The following SRRM3 variants were observed in gnomAD, a reference collection of about 807,000 sequenced individuals.
The protein encoded by SRRM3 is serine/arginine repetitive matrix protein 3.
A neutral mutation model predicts 66.2 loss-of-function variants in SRRM3; 27 were observed. The observed-to-expected ratio is 0.41, with a 90% CI of 0.30 to 0.56. SRRM3 has a LOEUF of 0.56. Among genes scored for constraint, SRRM3 ranks in the 20% least tolerant of loss-of-function variants. SRRM3 has a pLI of 0.32. For missense variants in SRRM3, 918 were observed against 991.9 expected (o/e 0.93, Z 1.00); for synonymous variants, 391 against 414.9 (o/e 0.94, Z 0.70).
intron 1 of SRRM3, among the ~76,000 whole-genome samples, chr7:76,213,049 G>C (rs1800474682): frequency 8.6e-6 from 1 of 116,332 alleles, no homozygotes; most frequent in Admixed American, 1.2e-4. Flanking sequence ...TCACTCTGTC[G>C]CCCAGGCTGG....
intron 1 of SRRM3, among the ~76,000 whole-genome samples, chr7:76,217,953 C>T (rs1445985990): frequency 6.6e-6 from 1 of 152,170 alleles, no homozygotes; most frequent in Admixed American, 6.5e-5. Flanking sequence ...AGGGAGCTTA[C>T]AAAATGGTGC....
intron 1 of SRRM3, among the ~76,000 whole-genome samples, chr7:76,226,009 C>A (rs1800856446): frequency 6.6e-6 from 1 of 152,132 alleles, no homozygotes; most frequent in African/African-American, 2.4e-5. Flanking sequence ...CTGTGGTCCA[C>A]TTCTCACTAC....
chr7:76,212,462 T>G (rs537282650), intron 1 of SRRM3, among the ~76,000 whole-genome samples: 1 of 137,778 alleles, frequency 7.3e-6, no homozygotes, highest in African/African-American at 2.8e-5. Flanking sequence ...CAGCAAGGTC[T>G]GCTTTTTTTT....
rs560410149 is a variant in SRRM3 at position 76,244,394 on chromosome 7, G to A, written c.234-3794G>A. Among the ~76,000 whole-genome samples, 15 of 152,088 alleles carry A rather than the reference G, an allele frequency of 9.9e-5. 1 individual carries two copies. The South Asian group carries it at 1.5e-3, about 15-fold the overall frequency. Reference sequence around the variant, plus strand: ...ACAAAAATTAGCTGGGCATGGTGGCGGATGCCTGTAGTCCCAGCTACCCGG... The same window carrying A: ...ACAAAAATTAGCTGGGCATGGTGGCAGATGCCTGTAGTCCCAGCTACCCGG... On this transcript the variant is annotated intron_variant, in intron 2 of 14. Coordinates refer to ENST00000611745, the MANE Select transcript of SRRM3 (RefSeq NM_001110199.3).
intron 11 of SRRM3, among the ~76,000 whole-genome samples, chr7:76,276,102 A>ATC (rs1491065314): frequency 1.4e-5 from 2 of 148,062 alleles, no homozygotes; most frequent in Non-Finnish European, 3.0e-5. Flanking sequence ...ATATATATAT[A>ATC]TTACACAAGC....
chr7:76,285,591 T>C lies in SRRM3; in HGVS notation c.1734-24T>C, dbSNP rs1450945655. The C allele has an allele frequency of 2.6e-6, 4 of 1,540,180 alleles. No homozygotes were observed. In the South Asian group the frequency reaches 3.6e-5, roughly 14 times the overall value. ...GGGGCTCGGGGCCTGGGATGGCCTG[T>C]AATCAGCTTTTTCTTCCCGGCAGCG... On this transcript the variant is annotated intron_variant, in intron 14 of 14. Transcript: ENST00000611745. This position sits in a 1 kb window ranked among gnomAD's most constrained non-coding sequence, Gnocchi z 4.1.
At chr7:76,262,530 A>AAC (rs1375590038) in intron 8 of SRRM3, among the ~76,000 whole-genome samples, 3 of 151,214 alleles carry the variant, frequency 2.0e-5, no homozygotes, top group African/African-American at 7.3e-5. Flanking sequence ...AAAAAAAAAA[A>AAC]AAAAACAAAG....
chr7:76,281,029 C>T (rs1802483880), intron 11 of SRRM3, among the ~76,000 whole-genome samples: 1 of 145,696 alleles, frequency 6.9e-6, no homozygotes, highest in Non-Finnish European at 1.5e-5. Context: ...CTCTCTCCTC[C>T]CTTGCTCTCT....
intron 2 of SRRM3, among the ~76,000 whole-genome samples, chr7:76,245,808 G>A (rs886263137): frequency 6.6e-6 from 1 of 152,162 alleles, no homozygotes; most frequent in Non-Finnish European, 1.5e-5. Flanking sequence ...CGATTCTCCT[G>A]CCTCGGCCTC....
In SRRM3 at chr7:76,284,862, G is replaced by A. The variant is rs71562418; in HGVS notation, c.1734-753G>A. ...AGGTAGCTGAGTGAGGAGTGGGGCCGGCGGGACTGGACCGGACCGTGGGCA... is the reference window on the plus strand; with the variant it reads ...AGGTAGCTGAGTGAGGAGTGGGGCCAGCGGGACTGGACCGGACCGTGGGCA... On this transcript the variant is annotated intron_variant, in intron 14 of 14. Coordinates refer to ENST00000611745, the MANE Select transcript of SRRM3 (RefSeq NM_001110199.3). Among the ~76,000 whole-genome samples, 1,236 of 152,282 alleles carry A rather than the reference G, an allele frequency of 8.1e-3. 13 individuals carry two copies. The Middle Eastern group carries it at 0.13, about 16-fold the overall frequency.
rs1802694329 is a variant in SRRM3 at position 76,286,940 on chromosome 7, G to A, written c.*1097G>A. 1 of 152,764 alleles carries A rather than the reference G, an allele frequency of 6.5e-6. No homozygotes were observed. Among genetic ancestry groups the A allele is most frequent in the South Asian group, 2.1e-4 (1 of 4,828 alleles). 9.5% of individuals were successfully genotyped at this position (152,764 alleles called of 1,614,324 possible). A position where few individuals can be genotyped will look rare whatever the true frequency, so the allele number is the denominator to read the frequency against. On this transcript the variant is annotated 3_prime_UTR_variant, in exon 15 of 15. Transcript: ENST00000611745. ...TAACATGTGCTTTGGACCTGACAAGGGAGTACCTTGGGGGTCTGATGGGGT... is the reference window on the plus strand; with the variant it reads ...TAACATGTGCTTTGGACCTGACAAGAGAGTACCTTGGGGGTCTGATGGGGT...
intron 1 of SRRM3, among the ~76,000 whole-genome samples, chr7:76,210,914 T>G (rs974996318): frequency 6.6e-6 from 1 of 152,088 alleles, no homozygotes; most frequent in African/African-American, 2.4e-5. Context: ...GCGATTCTCC[T>G]GCCTCAGCCT....
Position 76,264,799 on chromosome 7 carries a change from A to T in SRRM3, c.709A>T (p.Asn237Tyr). 6.2e-7 allele frequency: 1 copy of T among 1,613,662 alleles called. No individual in the cohort carries two copies. The highest frequency in any genetic ancestry group is 8.5e-7 in the Non-Finnish European group (1 of 1,179,862). Residue 237 changes from asparagine to tyrosine, a missense_variant, in exon 9 of 15, where the codon AAC becomes TAC. By Grantham distance (143) the Asn-to-Tyr change is moderately radical (BLOSUM62 -2). Coordinates refer to ENST00000611745, the MANE Select transcript of SRRM3 (RefSeq NM_001110199.3). ...RSSKCKRKEKNKEKKRPHTES... is the reference protein window; with the variant it reads ...RSSKCKRKEKYKEKKRPHTES... ...CTCCAAGTGCAAAAGAAAAGAGAAGAACAAAGAGAAGAAGAGGTAAGCGCC... is the reference window on the plus strand; with the variant it reads ...CTCCAAGTGCAAAAGAAAAGAGAAGTACAAAGAGAAGAAGAGGTAAGCGCC...
chr7:76,284,783 T>C (rs1802614497), intron 14 of SRRM3, among the ~76,000 whole-genome samples: 1 of 152,218 alleles, frequency 6.6e-6, no homozygotes, highest in Admixed American at 6.5e-5. Flanking sequence ...AACCTCTCTT[T>C]TCTCTTCTCT....
rs201745386 is a variant in SRRM3, at chr7:76,264,737, C to T, written c.675-28C>T. ...AAGGCCACACCCTCCCCGGGCCACACCATCACTGTGGTCTCTGCTCTCTGC... is the reference window on the plus strand; with the variant it reads ...AAGGCCACACCCTCCCCGGGCCACATCATCACTGTGGTCTCTGCTCTCTGC... On this transcript the variant is annotated intron_variant, in intron 8 of 14. Transcript: ENST00000611745. The T allele has an allele frequency of 9.9e-6, 16 of 1,613,068 alleles. No homozygotes were observed. The East Asian group carries it at 2.9e-4, about 29-fold the overall frequency.
intron 1 of SRRM3, among the ~76,000 whole-genome samples, chr7:76,225,646 C>G (rs782215538): frequency 2.0e-5 from 3 of 152,096 alleles, no homozygotes; most frequent in Non-Finnish European, 4.4e-5. Flanking sequence ...CTCTGGGAAG[C>G]CAAGGCGGGG....
intron 2 of SRRM3, among the ~76,000 whole-genome samples, chr7:76,246,721 T>G (rs1241416293): frequency 6.6e-6 from 1 of 152,160 alleles, no homozygotes; most frequent in Non-Finnish European, 1.5e-5. Flanking sequence ...GGATGACATC[T>G]GGCTACTGGA....
At chr7:76,217,843 G>A (rs184456375) in intron 1 of SRRM3, among the ~76,000 whole-genome samples, 2 of 152,210 alleles carry the variant, frequency 1.3e-5, no homozygotes, top group Non-Finnish European at 2.9e-5. Context: ...TTCTTCAGTC[G>A]GGCCTTTGTC....
intron 3 of SRRM3, 72 bp from the exon 4 acceptor site, chr7:76,259,834 C>G: frequency 6.5e-7 from 1 of 1,529,974 alleles, no homozygotes; most frequent in Non-Finnish European, 8.7e-7. Context: ...CTAGGTCAGG[C>G]CCCCTGCGCC....
Sources: gnomAD v4.1 joint callset for allele counts (sites outside exome capture counted in the v4.1 genomes callset) on GRCh38, gnomAD v4.1.1 for gene constraint, Gnocchi (gnomAD v3.1) non-coding constraint, MANE v1.5 for transcripts, NCBI Gene and HGNC (gene_info 2026-07-23, HGNC 2026-07-21) for gene names.